The following PPP4R1 variants were observed in gnomAD, a reference collection of about 807,000 sequenced individuals.
PPP4R1 encodes protein phosphatase 4 regulatory subunit 1.
PPP4R1 carries 42 observed loss-of-function variants against 111.2 expected under a neutral mutation model. The ratio of observed to expected loss-of-function variants is 0.38; its 90% CI spans 0.29 to 0.49. PPP4R1 has a LOEUF of 0.49. Ranked by LOEUF, PPP4R1 falls within the 20% of genes least tolerant of loss-of-function variation. The pLI is 0.97. For missense variants in PPP4R1, 1,012 were observed against 1,161.6 expected, an observed-to-expected ratio of 0.87 and a Z score of 1.87; for synonymous variants, 409 against 405.5, an observed-to-expected ratio of 1.01 and a Z score of -0.10.
At chr18:9,559,020 G>A (rs925551511) in intron 14 of PPP4R1, among the ~76,000 whole-genome samples, 10 of 152,106 alleles carry the variant, frequency 6.6e-5, no homozygotes, top group Admixed American at 2.6e-4. Flanking sequence ...TAGTAATACT[G>A]GAGTTCTACT....
chr18:9,577,021 G>GA, intron 10 of PPP4R1, 43 bp downstream of exon 10: 1 of 1,439,042 alleles, frequency 6.9e-7, no homozygotes, highest in Non-Finnish European at 9.4e-7. Flanking sequence ...AGTAAAATTA[G>GA]AAAACAAGGT....
upstream of PPP4R1, among the ~76,000 whole-genome samples, chr18:9,615,873 T>G (rs1369952432): frequency 1.3e-5 from 2 of 152,168 alleles, no homozygotes. Flanking sequence ...CCTAAATCTG[T>G]GTAATAAAAT....
In PPP4R1 at chr18:9,570,452, T is replaced by C; in HGVS notation, c.1278A>G (p.Lys426=). 1 of 1,614,142 alleles carries C rather than the reference T, an allele frequency of 6.2e-7. No homozygotes were observed. The highest frequency in any genetic ancestry group is 1.3e-5 in the African/African-American group (1 of 75,032). The part of the protein sequence containing the change: ...QEAASNENDK[K]PGNYKSMLRP... Reference sequence around the variant, plus strand: ...GTAACATAGATTTGTAGTTACCAGGTTTTTTATCATTCTCATTACTAGCTG... The same window carrying C: ...GTAACATAGATTTGTAGTTACCAGGCTTTTTATCATTCTCATTACTAGCTG... The change falls in exon 11 of 20, where the codon AAA becomes AAG. Residue 426 remains lysine, a synonymous_variant. Transcript: ENST00000400556.
At chr18:9,570,824 T>A in intron 10 of PPP4R1, 141 bp from the exon 11 acceptor site, 1 of 858,410 alleles carries the variant, frequency 1.2e-6, no homozygotes, top group East Asian at 2.9e-5. Context: ...TGAGTTTATG[T>A]ATATTATTTA....
At chr18:9,568,444 C>T (rs2066806106) in intron 11 of PPP4R1, among the ~76,000 whole-genome samples, 1 of 152,210 alleles carries the variant, frequency 6.6e-6, no homozygotes, top group African/African-American at 2.4e-5. Flanking sequence ...ATTGAAGTCT[C>T]TCAATTGCAG....
chr18:9,595,533 T>A (rs996421074), intron 2 of PPP4R1, among the ~76,000 whole-genome samples: 2 of 152,184 alleles, frequency 1.3e-5, no homozygotes, highest in African/African-American at 2.4e-5. Context: ...ATAAAGCTAA[T>A]GAAACTGGTA....
chr18:9,576,974 C>T, intron 10 of PPP4R1, 90 bp downstream of exon 10: 1 of 1,196,808 alleles, frequency 8.4e-7, no homozygotes, highest in South Asian at 1.6e-5. Context: ...CAAAAAATAA[C>T]ATTTGTTGCA....
chr18:9,578,159 G>T (rs939069521), intron 9 of PPP4R1, among the ~76,000 whole-genome samples: 1 of 152,108 alleles, frequency 6.6e-6, no homozygotes, highest in Non-Finnish European at 1.5e-5. Context: ...GGACACAATC[G>T]GACAAAGGCA....
intron 6 of PPP4R1, among the ~76,000 whole-genome samples, 199 bp from the exon 7 acceptor site, chr18:9,585,027 AC>A (rs1397144212): frequency 6.6e-6 from 1 of 152,204 alleles, no homozygotes; most frequent in East Asian, 1.9e-4. Flanking sequence ...ACAGATATTA[AC>A]CACAATCAAT....
In PPP4R1 at chr18:9,577,088, T is replaced by C. The variant is rs756755851; in HGVS notation, c.1022A>G (p.Glu341Gly). 1.9e-6 allele frequency: 3 copies of C among 1,578,164 alleles called. No individual in the cohort carries two copies. The highest frequency in any genetic ancestry group is 2.6e-6 in the Non-Finnish European group (3 of 1,162,338). The change falls in exon 10 of 20, where the codon GAG (glutamate) becomes GGG (glycine). Residue 341 changes from glutamate to glycine, a missense_variant. Coordinates refer to ENST00000400556, the MANE Select transcript of PPP4R1 (RefSeq NM_001042388.3). The part of the protein sequence containing the change: ...YFKEESKSSE[E>G]MSVENKNRTR... ...CCTATTTTTGTTTTCTACTGACATC[T>C]CTTCTGAACTTTTGCTTTCTTCTTT...
intron 2 of PPP4R1, among the ~76,000 whole-genome samples, chr18:9,604,099 A>G (rs1471039247): frequency 6.6e-6 from 1 of 152,228 alleles, no homozygotes; most frequent in African/African-American, 2.4e-5. Flanking sequence ...TTTATAATAC[A>G]TTAGAAATAT....
chr18:9,602,797 G>T (rs1471185541), intron 2 of PPP4R1, among the ~76,000 whole-genome samples: 2 of 141,688 alleles, frequency 1.4e-5, no homozygotes, highest in African/African-American at 5.7e-5. Context: ...CTCCAACCTG[G>T]GCGACGTACT....
At chr18:9,557,061 T>C (rs2066599279) in intron 15 of PPP4R1, 160 bp downstream of exon 15, 2 of 604,664 alleles carry the variant, frequency 3.3e-6, no homozygotes, top group Middle Eastern at 4.6e-4. Flanking sequence ...AGTATAATTA[T>C]GGGACCATTT....
chr18:9,559,697 T>A, intron 13 of PPP4R1, 93 bp from the exon 14 acceptor site: 1 of 978,744 alleles, frequency 1.0e-6, no homozygotes, highest in Non-Finnish European at 1.4e-6. Context: ...TTTAAATATA[T>A]AGATTTTAAC....
At chr18:9,554,025 G>C (rs755482455) in intron 15 of PPP4R1, among the ~76,000 whole-genome samples, 14 of 152,296 alleles carry the variant, frequency 9.2e-5, no homozygotes, top group Middle Eastern at 3.4e-3. Flanking sequence ...GAATGTGCTA[G>C]GAAGTCCTGA....
At chr18:9,576,584 CA>C (rs2066938901) in intron 10 of PPP4R1, among the ~76,000 whole-genome samples, 1 of 152,032 alleles carries the variant, frequency 6.6e-6, no homozygotes, top group Non-Finnish European at 1.5e-5. Flanking sequence ...AGATTACAAT[CA>C]CCATTGACAA....
chr18:9,604,863 T>C (rs1391938796), intron 2 of PPP4R1, among the ~76,000 whole-genome samples: 2 of 152,196 alleles, frequency 1.3e-5, no homozygotes, highest in Non-Finnish European at 2.9e-5. Context: ...TTAATATTTG[T>C]TAATGAAAAT....
rs2066553971 is a variant in PPP4R1 at position 9,555,309 on chromosome 18, GTAAGT to G, written c.2191-1892_2191-1888del. The stretch of plus-strand genomic sequence containing the variant: ...AGAGTGAGACCCTGTCTCAAAATAA[GTAAGT>G]TAATTAATTAAAAAAAAACAGAAAG... On this transcript the variant is annotated intron_variant, in intron 15 of 19. Coordinates refer to ENST00000400556, the MANE Select transcript of PPP4R1 (RefSeq NM_001042388.3). Among the ~76,000 whole-genome samples, 3 of 151,862 alleles carry G rather than the reference GTAAGT, an allele frequency of 2.0e-5. No homozygotes were observed. In the South Asian group the frequency reaches 6.2e-4, roughly 32 times the overall value.
rs760513383 is a variant in PPP4R1 at position 9,550,108 on chromosome 18, T to C, written c.2491A>G (p.Asn831Asp). The C allele has an allele frequency of 2.5e-6, 4 of 1,614,150 alleles. No individual in the cohort carries two copies. The highest frequency in any genetic ancestry group is 1.7e-5 in the Admixed American group (1 of 60,020). The change falls in exon 18 of 20, where the codon AAC (asparagine) becomes GAC (aspartate). Residue 831 changes from asparagine (N) to aspartate (D), a missense_variant. Transcript: ENST00000400556. ...GVDLINELVE[N>D]FGRCPKWSGR... ...GACCACTTGGGACATCTGCCAAAGT[T>C]CTCCACAAGCTCATTGATGAGGTCC...
Sources: gnomAD v4.1 joint callset for allele counts (sites outside exome capture counted in the v4.1 genomes callset) on GRCh38, gnomAD v4.1.1 for gene constraint, MANE v1.5 for transcripts, NCBI Gene and HGNC (gene_info 2026-07-23, HGNC 2026-07-21) for gene names.